IFNAR2: variants seen among roughly 807,000 people sequenced by gnomAD.
The protein encoded by IFNAR2 is interferon alpha/beta receptor 2.
A neutral mutation model predicts 49.4 loss-of-function variants in IFNAR2; 30 were observed. The ratio of observed to expected loss-of-function variants is 0.61; its 90% confidence interval spans 0.45 to 0.82. The LOEUF is 0.82. Ranked by LOEUF, IFNAR2 falls within the 40% of genes least tolerant of loss-of-function variation. The probability of loss-of-function intolerance (pLI) is 0.00; values close to 1 mark genes in which losing one functional copy is unlikely to be tolerated. For missense variants in IFNAR2, 600 were observed against 622.7 expected (o/e 0.96, Z 0.39); for synonymous variants, 224 against 234.5 (o/e 0.96, Z 0.41).
Position 33,248,716 on chromosome 21 carries a change from T to C in IFNAR2, c.402T>C (p.Phe134=), listed in dbSNP as rs541430161. 103 of 1,605,782 alleles carry C rather than the reference T, an allele frequency of 6.4e-5. No individual in the cohort carries two copies. In the East Asian group the frequency reaches 2.2e-3, roughly 35 times the overall value. ...HNFWLAIDMS[F]EPPEFEIVGF... ...TTTTTGTTTTTTGCACAGTGTCTTT[T>C]GAACCACCAGAGTTTGAGATTGTTG... The change falls in exon 6 of 9, where the codon TTT becomes TTC. Residue 134 remains phenylalanine, a synonymous_variant. Coordinates refer to ENST00000342136, the MANE Select transcript of IFNAR2 (RefSeq NM_001289125.3).
chr21:33,260,785 A>C, intron 8 of IFNAR2, 58 bp downstream of exon 8: 1 of 1,091,032 alleles, frequency 9.2e-7, no homozygotes, highest in Non-Finnish European at 1.3e-6. Context: ...ATTTTAACTT[A>C]AGAATTTGTA....
At chr21:33,252,238 G>A (rs772750512) in intron 6 of IFNAR2, 48 of 463,426 alleles carry the variant, frequency 1.0e-4, no homozygotes, top group Admixed American at 1.7e-4. Flanking sequence ...TTTCTCATCC[G>A]TTGAATGGAG....
rs1986007914 is a variant in IFNAR2 at position 33,230,884 on chromosome 21, G to A, written c.-84+668G>A. Among the ~76,000 whole-genome samples the A allele has an allele frequency of 6.6e-6, 1 of 152,210 alleles. No homozygotes were observed. The highest frequency in any genetic ancestry group is 2.1e-4 in the South Asian group (1 of 4,834). On this transcript the variant is annotated intron_variant, in intron 1 of 8. Coordinates refer to ENST00000342136, the MANE Select transcript of IFNAR2 (RefSeq NM_001289125.3). The surrounding 1 kb of genome is among the most constrained non-coding windows in gnomAD (Gnocchi z 5.5). ...GAATATGGAGAGGCGATCGGCACTT[G>A]CATTTCAACCCTGAGCAAATCAATC...
At chr21:33,236,505 C>T (rs921916151) in intron 1 of IFNAR2, among the ~76,000 whole-genome samples, 2 of 152,170 alleles carry the variant, frequency 1.3e-5, no homozygotes, top group African/African-American at 4.8e-5. Flanking sequence ...GACCCAACCT[C>T]CAGCCAGTCA....
intron 1 of IFNAR2, among the ~76,000 whole-genome samples, chr21:33,238,410 T>G (rs1489811358): frequency 6.6e-6 from 1 of 152,180 alleles, no homozygotes; most frequent in African/African-American, 2.4e-5. Flanking sequence ...TTTTTTTATT[T>G]TGATGATATT....
chr21:33,262,397 C>CTA (rs1988659479), intron 8 of IFNAR2, among the ~76,000 whole-genome samples: 1 of 150,592 alleles, frequency 6.6e-6, no homozygotes, highest in Non-Finnish European at 1.5e-5. Context: ...AGTAAGCATA[C>CTA]CTCATAGAGC....
chr21:33,235,995 A>G (rs1359884526), intron 1 of IFNAR2, among the ~76,000 whole-genome samples: 3 of 152,356 alleles, frequency 2.0e-5, no homozygotes, highest in African/African-American at 7.2e-5. Flanking sequence ...GCAGTTCTTT[A>G]TATTATGCAA....
intron 1 of IFNAR2, among the ~76,000 whole-genome samples, chr21:33,233,302 C>T (rs1391181658): frequency 6.6e-6 from 1 of 152,032 alleles, no homozygotes; most frequent in Non-Finnish European, 1.5e-5. Flanking sequence ...TTATGAAAGA[C>T]AAAATACAAT....
At chr21:33,262,505 T>C (rs2123538866) in intron 8 of IFNAR2, 2 of 679,266 alleles carry the variant, frequency 2.9e-6, no homozygotes, top group African/African-American at 1.8e-5. Context: ...ATTGCTGTCA[T>C]CATCATCAAC....
chr21:33,244,981 T>C lies in IFNAR2; in HGVS notation c.128T>C (p.Ile43Thr). 1.2e-5 allele frequency: 20 copies of C among 1,613,368 alleles called. No homozygotes were observed. The highest frequency in any genetic ancestry group is 1.7e-5 in the Non-Finnish European group (20 of 1,179,302). ...DYTDESCTFK[I>T]SLRNFRSILS... ...ACAGATGAATCTTGCACTTTCAAGA[T>C]ATCATTGCGAAATTTCCGGTCCATC... Residue 43 changes from isoleucine to threonine, a missense_variant, in exon 4 of 9, where the codon ATA (isoleucine) becomes ACA (threonine). Ile to Thr is a moderately conservative substitution (Grantham distance 89). Coordinates refer to ENST00000342136, the MANE Select transcript of IFNAR2 (RefSeq NM_001289125.3).
At position 33,246,843 on chromosome 21, in the gene IFNAR2, A is replaced by G; in HGVS notation, c.347A>G (p.Asn116Ser). 4 of 1,614,230 alleles carry G rather than the reference A, an allele frequency of 2.5e-6. No individual in the cohort carries two copies. The highest frequency in any genetic ancestry group is 3.4e-6 in the Non-Finnish European group (4 of 1,180,020). Residue 116 changes from asparagine to serine, a missense_variant, in exon 5 of 9, where the codon AAC (asparagine) becomes AGC (serine). By Grantham distance (46) the Asn-to-Ser change is conservative. Transcript: ENST00000342136. ...YVTVLEGFSG[N>S]TTLFSCSHNF... The stretch of plus-strand genomic sequence containing the variant: ...ACCGTCCTAGAAGGATTCAGCGGGA[A>G]CACAACGTTGTTCAGTTGCTCACAC...
chr21:33,231,955 G>A (rs932862154), intron 1 of IFNAR2, among the ~76,000 whole-genome samples: 1 of 152,116 alleles, frequency 6.6e-6, no homozygotes, highest in Non-Finnish European at 1.5e-5. Context: ...ACCCAGCCTG[G>A]TCTGGAACTT....
At chr21:33,261,593 G>A (rs1988573451) in intron 8 of IFNAR2, among the ~76,000 whole-genome samples, 1 of 152,114 alleles carries the variant, frequency 6.6e-6, no homozygotes, top group Non-Finnish European at 1.5e-5. Context: ...ATTTAAAAAG[G>A]ACTAGGCACA....
chr21:33,237,447 A>G (rs1362177795), intron 1 of IFNAR2, among the ~76,000 whole-genome samples: 1 of 152,096 alleles, frequency 6.6e-6, no homozygotes, highest in Non-Finnish European at 1.5e-5. Flanking sequence ...AGGTGGGAGA[A>G]TCGCTTGAGC....
intron 6 of IFNAR2, among the ~76,000 whole-genome samples, chr21:33,249,448 A>C (rs1454713401): frequency 2.6e-5 from 4 of 152,060 alleles, no homozygotes; most frequent in Non-Finnish European, 5.9e-5. Context: ...AATTTCAGTG[A>C]ACCCTGGAGA....
chr21:33,237,200 G>A lies in IFNAR2; in HGVS notation c.-83-4640G>A, dbSNP rs3153. ...CGTTGGAGACAAATGGGGACCAGAG[G>A]CCACATGTCAGAGGTCAGGTCAGGT... is the stretch of plus-strand genomic sequence containing the variant. On this transcript the variant is annotated intron_variant, in intron 1 of 8. Transcript: ENST00000342136. Among the ~76,000 whole-genome samples, 42,326 of 151,538 alleles carry A rather than the reference G, an allele frequency of 0.28. 6,670 individuals carry two copies. Among genetic ancestry groups the A allele is most frequent in the East Asian group, 0.57 (2,944 of 5,132 alleles).
intron 7 of IFNAR2, 137 bp from the exon 8 acceptor site, chr21:33,260,460 T>C (rs1185123099): frequency 1.5e-6 from 1 of 671,984 alleles, no homozygotes; most frequent in Non-Finnish European, 2.4e-6. Context: ...GTCTCTGGTA[T>C]TTCTCAATAT....
At chr21:33,252,537 T>C in intron 6 of IFNAR2, 125 bp from the exon 7 acceptor site, 1 of 1,450,212 alleles carries the variant, frequency 6.9e-7, no homozygotes, top group Non-Finnish European at 9.1e-7. Flanking sequence ...TTATAAATCC[T>C]TTTTCTTACC....
At chr21:33,239,033 TCA>T (rs1376890204) in intron 1 of IFNAR2, among the ~76,000 whole-genome samples, 2 of 152,192 alleles carry the variant, frequency 1.3e-5, no homozygotes, top group African/African-American at 4.8e-5. Flanking sequence ...ACGAAAATTC[TCA>T]CACATTGCAG....
Sources: gnomAD v4.1 joint callset for allele counts (sites outside exome capture counted in the v4.1 genomes callset) on GRCh38, gnomAD v4.1.1 for gene constraint, Gnocchi (gnomAD v3.1) non-coding constraint, MANE v1.5 for transcripts, NCBI Gene and HGNC (gene_info 2026-07-23, HGNC 2026-07-21) for gene names.